The following TCOF1 variants were observed in gnomAD, a reference collection of about 807,000 sequenced individuals.
TCOF1 encodes treacle ribosome biogenesis factor 1.
A neutral mutation model predicts 149.0 loss-of-function variants in TCOF1; 33 were observed. That is an observed-to-expected ratio of 0.22 (90% CI 0.17 to 0.30). TCOF1 has a LOEUF of 0.30. Ranked by LOEUF, TCOF1 falls within the 10% of genes least tolerant of loss-of-function variation. TCOF1 has a pLI of 1.00. For synonymous variants in TCOF1, 789 were observed against 738.8 expected (o/e 1.07, Z -1.10); for missense variants, 1,728 against 1,840.7 (o/e 0.94, Z 1.12).
chr5:150,372,724 TG>T (rs36051495), intron 7 of TCOF1, among the ~76,000 whole-genome samples: 56,904 of 152,028 alleles, frequency 0.37, 11,170 homozygotes, highest in Middle Eastern at 0.51. Context: ...GCCCCAGGCC[TG>T]GGGCAGGACA....
rs1763840443 is a variant in TCOF1, at chr5:150,376,507, C to T, written c.2227C>T (p.Leu743Phe). 1 of 1,613,536 alleles carries T rather than the reference C, an allele frequency of 6.2e-7. No homozygotes were observed. The highest frequency in any genetic ancestry group is 8.5e-7 in the Non-Finnish European group (1 of 1,179,778). Reference protein sequence around the residue: ...GSLGQGTAPVLPGKTGPTVTQ... With the variant: ...GSLGQGTAPVFPGKTGPTVTQ... ...CTTGGGGCAAGGGACTGCTCCAGTACTCCCTGGGAAGACGGGGCCTACAGT... is the reference window on the plus strand; with the variant it reads ...CTTGGGGCAAGGGACTGCTCCAGTATTCCCTGGGAAGACGGGGCCTACAGT... The change falls in exon 14 of 27, where the codon CTC becomes TTC. Residue 743 changes from leucine to phenylalanine, a missense_variant. By Grantham distance (22) the Leu-to-Phe change is conservative (BLOSUM62 0). This residue lies in a region of TCOF1 where 1,696 missense variants were observed against 1,765.4 expected (regional missense o/e 0.96). Coordinates refer to ENST00000643257, the MANE Select transcript of TCOF1 (RefSeq NM_001371623.1).
chr5:150,375,185 C>T (rs377538487), intron 10 of TCOF1, 22 bp downstream of exon 10: 13 of 1,612,934 alleles, frequency 8.1e-6, no homozygotes, highest in Non-Finnish European at 1.1e-5. Context: ...AGCCGCCCTG[C>T]ATGGCCTGTG....
Position 150,379,789 on chromosome 5 carries a change from G to A in TCOF1, c.2859+57G>A. The A allele has an allele frequency of 6.3e-6, 10 of 1,585,978 alleles. No homozygotes were observed. The South Asian group carries it at 1.1e-4, about 18-fold the overall frequency. On this transcript the variant is annotated intron_variant, in intron 17 of 26. Coordinates refer to ENST00000643257, the MANE Select transcript of TCOF1 (RefSeq NM_001371623.1). Reference sequence around the variant, plus strand: ...ACTCACTCCTCAGAACGGGGGTATAGGGCTGGGCGTGGTGGCTCACACCTG... The same window carrying A: ...ACTCACTCCTCAGAACGGGGGTATAAGGCTGGGCGTGGTGGCTCACACCTG...
intron 3 of TCOF1, 94 bp downstream of exon 3, chr5:150,364,346 C>G: frequency 6.4e-7 from 1 of 1,562,652 alleles, no homozygotes; most frequent in Non-Finnish European, 8.7e-7. Flanking sequence ...ACTAGAAGAC[C>G]TAAAAGACCC....
At chr5:150,391,819 T>C (rs1767503569) in intron 20 of TCOF1, 138 bp from the exon 21 acceptor site, 1 of 1,169,504 alleles carries the variant, frequency 8.6e-7, no homozygotes. Flanking sequence ...ACAGTACCTT[T>C]CGTAGTTGGA....
intron 17 of TCOF1, chr5:150,383,888 C>T: frequency 6.5e-7 from 1 of 1,537,948 alleles, no homozygotes; most frequent in Non-Finnish European, 8.8e-7. Context: ...CCCACCTTAT[C>T]TTCCTGTACT....
At position 150,367,732 on chromosome 5, in the gene TCOF1, C is replaced by T. The variant is rs377761948; in HGVS notation, c.305-112C>T. 137 of 1,265,298 alleles carry T rather than the reference C, an allele frequency of 1.1e-4. No individual in the cohort carries two copies. In the East Asian group the frequency reaches 3.2e-3, roughly 30 times the overall value. 78.4% of individuals were successfully genotyped at this position (1,265,298 alleles called of 1,614,324 possible). The stretch of plus-strand genomic sequence containing the variant: ...TGGGCTCAGCCTCAGATCCTCATGC[C>T]AGCACCAGGCAGCCAATACCAATAG... On this transcript the variant is annotated intron_variant, in intron 3 of 26. Transcript: ENST00000643257.
rs558998203 is a variant in TCOF1, at chr5:150,379,765, C to G, written c.2859+33C>G. ...TTGCCAGGCCTCTGAGCCACCAACA[C>G]TCACTCCTCAGAACGGGGGTATAGG... On this transcript the variant is annotated intron_variant, in intron 17 of 26. Transcript: ENST00000643257. The G allele has an allele frequency of 2.5e-6, 4 of 1,608,150 alleles. No homozygotes were observed. In the African/African-American group the frequency reaches 5.3e-5, roughly 21 times the overall value.
At position 150,393,097 on chromosome 5, in the gene TCOF1, A is replaced by G. The variant is rs1367597186; in HGVS notation, c.3604-275A>G. 8 of 589,916 alleles carry G rather than the reference A, an allele frequency of 1.4e-5. No individual in the cohort carries two copies. In the East Asian group the frequency reaches 2.3e-4, roughly 17 times the overall value. The allele number at this position is 589,916 out of a possible 1,614,324, so 36.5% of individuals were successfully genotyped here. On this transcript the variant is annotated intron_variant, in intron 22 of 26. Coordinates refer to ENST00000643257, the MANE Select transcript of TCOF1 (RefSeq NM_001371623.1). Reference sequence around the variant, plus strand: ...GATTTATTTTAAGGTTACTATCTGTATGTGGCAAAAGCTAGTAATTTTCCA... The same window carrying G: ...GATTTATTTTAAGGTTACTATCTGTGTGTGGCAAAAGCTAGTAATTTTCCA...
chr5:150,385,591 T>C (rs1240282921), intron 17 of TCOF1, among the ~76,000 whole-genome samples: 2 of 152,200 alleles, frequency 1.3e-5, no homozygotes, highest in Non-Finnish European at 2.9e-5. Context: ...TTGTTGCCTT[T>C]GTGGTCATGT....
chr5:150,364,321 G>C (rs764739629), intron 3 of TCOF1, 69 bp downstream of exon 3: 1 of 1,605,526 alleles, frequency 6.2e-7, no homozygotes, highest in Non-Finnish European at 8.5e-7. Context: ...TCTACCTCCA[G>C]CTTCTTCTCT....
At chr5:150,368,540 G>A in intron 4 of TCOF1, 176 bp from the exon 5 acceptor site, 1 of 675,784 alleles carries the variant, frequency 1.5e-6, no homozygotes, top group Non-Finnish European at 2.6e-6. Flanking sequence ...CAACACCTCT[G>A]GTGAGAGGAG....
At chr5:150,383,068 A>G (rs962572038) in intron 17 of TCOF1, 10 of 1,535,496 alleles carry the variant, frequency 6.5e-6, no homozygotes, top group Admixed American at 2.0e-5. Flanking sequence ...TCAGAAGGAC[A>G]GTAACTCCAA....
intron 17 of TCOF1, among the ~76,000 whole-genome samples, chr5:150,386,442 G>C (rs534316910): frequency 2.6e-5 from 4 of 152,282 alleles, no homozygotes; most frequent in East Asian, 3.9e-4. Context: ...GAGCAGCCGC[G>C]GGGGAGGCTA....
rs569978621 is a variant in TCOF1 at position 150,379,111 on chromosome 5, C to T, written c.2478+69C>T. ...AGAGAGGAGGACCAGTCACTGAGCCCAGCCAGGAGAAGGTGCGTGCATGGG... is the reference window on the plus strand; with the variant it reads ...AGAGAGGAGGACCAGTCACTGAGCCTAGCCAGGAGAAGGTGCGTGCATGGG... On this transcript the variant is annotated intron_variant, in intron 15 of 26. Transcript: ENST00000643257. The T allele has an allele frequency of 4.6e-5, 75 of 1,613,760 alleles. 1 individual carries two copies. The East Asian group carries it at 1.6e-3, about 35-fold the overall frequency.
At chr5:150,392,414 G>C in intron 21 of TCOF1, 1 of 612,108 alleles carries the variant, frequency 1.6e-6, no homozygotes, top group Non-Finnish European at 2.9e-6. Context: ...CCCTTCACTG[G>C]CTCCCAAAAA....
Position 150,396,340 on chromosome 5 carries a change from G to A in TCOF1, c.3843G>A (p.Gly1281=). ...TPQKSRKPKK[G]AGNPQASTLA... ...AGAAGTCCCGGAAGCCCAAGAAAGG[G>A]GCTGGGAACCCCCAAGCCTCAACCC... Residue 1281 remains glycine (G), a synonymous_variant, in exon 24 of 27, where the codon GGG becomes GGA. Transcript: ENST00000643257. The A allele has an allele frequency of 7.4e-6, 12 of 1,613,896 alleles. No individual in the cohort carries two copies. The highest frequency in any genetic ancestry group is 1.0e-5 in the Non-Finnish European group (12 of 1,180,040).
chr5:150,396,233 C>G (rs1768476907), intron 23 of TCOF1, 49 bp from the exon 24 acceptor site: 1 of 1,604,732 alleles, frequency 6.2e-7, no homozygotes, highest in South Asian at 1.1e-5. Context: ...ACCATAAGAT[C>G]TGTCCCCCAA....
intron 22 of TCOF1, 38 bp from the exon 23 acceptor site, chr5:150,393,334 G>T (rs374937664): frequency 6.2e-7 from 1 of 1,612,812 alleles, no homozygotes; most frequent in Non-Finnish European, 8.5e-7. Context: ...GCAGTGGGGT[G>T]GGGTGGTGGC....
Sources: gnomAD v4.1 joint callset for allele counts (sites outside exome capture counted in the v4.1 genomes callset) on GRCh38, gnomAD v4.1.1 for gene constraint, gnomAD v4.1.1 regional missense constraint, MANE v1.5 for transcripts, NCBI Gene and HGNC (gene_info 2026-07-23, HGNC 2026-07-21) for gene names.